Variants in IGF1R observed in about 807,000 individuals in gnomAD.
IGF1R encodes the protein insulin-like growth factor 1 receptor.
A neutral mutation model predicts 144.6 loss-of-function variants in IGF1R; 44 were observed. The ratio of observed to expected loss-of-function variants is 0.30; its 90% CI spans 0.24 to 0.39. The LOEUF (loss-of-function observed/expected upper bound fraction) is 0.39. Ranked by LOEUF, IGF1R falls within the 10% of genes least tolerant of loss-of-function variation. The probability of loss-of-function intolerance (pLI) is 1.00; values close to 1 mark genes in which losing one functional copy is unlikely to be tolerated. For synonymous variants in IGF1R, 795 were observed against 722.8 expected, an observed-to-expected ratio of 1.10 and a Z score of -1.60; for missense variants, 1,355 against 1,833.7, an observed-to-expected ratio of 0.74 and a Z score of 4.77.
At chr15:98,924,487 A>G (rs775995936) in intron 12 of IGF1R, 38 bp from the exon 13 acceptor site, 1 of 1,611,706 alleles carries the variant, frequency 6.2e-7, no homozygotes, top group Non-Finnish European at 8.5e-7. Flanking sequence ...TTTCTCCTGC[A>G]TTCATGGGAA....
intron 9 of IGF1R, 35 bp downstream of exon 9, chr15:98,916,166 G>C: frequency 6.2e-7 from 1 of 1,607,440 alleles, no homozygotes; most frequent in Non-Finnish European, 8.5e-7. Context: ...CGGAGGGTGT[G>C]ACCGTTCATT....
At chr15:98,882,190 G>C (rs1290261792) in intron 2 of IGF1R, among the ~76,000 whole-genome samples, 2 of 152,248 alleles carry the variant, frequency 1.3e-5, no homozygotes, top group African/African-American at 2.4e-5. Context: ...AAGATGTTCA[G>C]AGGGAAGCCG....
Position 98,950,571 on chromosome 15 carries a change from T to C in IGF1R, c.3722+1863T>C, listed in dbSNP as rs112320079. On this transcript the variant is annotated intron_variant, in intron 20 of 20. Coordinates refer to ENST00000650285, the MANE Select transcript of IGF1R (RefSeq NM_000875.5). ...CCAAGGCCACTCACAGTCCTTGCCA[T>C]ATACAGCCTCCATAGGCCCTCTCAT... is the stretch of plus-strand genomic sequence containing the variant. Among the ~76,000 whole-genome samples the C allele has an allele frequency of 1.5e-3, 232 of 152,348 alleles. 2 individuals are homozygous for C. Among genetic ancestry groups the C allele is most frequent in the African/African-American group, 5.1e-3 (213 of 41,574 alleles).
intron 2 of IGF1R, among the ~76,000 whole-genome samples, chr15:98,762,818 C>T (rs373147338): frequency 6.6e-6 from 1 of 151,244 alleles, no homozygotes; most frequent in East Asian, 2.0e-4. Context: ...GAGGCCGAGG[C>T]GGGCCGATCA....
chr15:98,925,731 C>T (rs1487956240), intron 13 of IGF1R, among the ~76,000 whole-genome samples: 1 of 152,200 alleles, frequency 6.6e-6, no homozygotes, highest in Admixed American at 6.5e-5. Flanking sequence ...GGGTGAAACC[C>T]CGTCTCTACT....
At chr15:98,776,759 A>G (rs944096064) in intron 2 of IGF1R, among the ~76,000 whole-genome samples, 1 of 152,156 alleles carries the variant, frequency 6.6e-6, no homozygotes, top group African/African-American at 2.4e-5. Context: ...TTTTCAAAGC[A>G]GCTGTTTGGT....
chr15:98,765,787 ATGATTG>A (rs2055422024), intron 2 of IGF1R, among the ~76,000 whole-genome samples: 1 of 152,150 alleles, frequency 6.6e-6, no homozygotes, highest in Non-Finnish European at 1.5e-5. Flanking sequence ...ATTCTCCCCC[ATGATTG>A]CACAACCCAC....
At chr15:98,808,194 T>C (rs796829019) in intron 2 of IGF1R, among the ~76,000 whole-genome samples, 27 of 152,334 alleles carry the variant, frequency 1.8e-4, no homozygotes, top group African/African-American at 6.5e-4. Context: ...ATAAGATATA[T>C]TCATCTTAAA....
Position 98,961,271 on chromosome 15 carries a change from C to CTGGT in IGF1R, c.*3831_*3834dup, listed in dbSNP as rs945541992. Reference sequence around the variant, plus strand: ...AACTGGATTTCTACAGATCATTCAGCTGGTTATAAGGGTTTTGTTTAAACT... The same window carrying CTGGT: ...AACTGGATTTCTACAGATCATTCAGCTGGTTGGTTATAAGGGTTTTGTTTAAACT... On this transcript the variant is annotated 3_prime_UTR_variant, in exon 21 of 21. Coordinates refer to ENST00000650285, the MANE Select transcript of IGF1R (RefSeq NM_000875.5). 4 of 233,494 alleles carry CTGGT rather than the reference C, an allele frequency of 1.7e-5. No individual in the cohort carries two copies. The highest frequency in any genetic ancestry group is 8.8e-5 in the African/African-American group (4 of 45,336). 14.5% of individuals were successfully genotyped at this position (233,494 alleles called of 1,614,324 possible).
At chr15:98,721,115 A>C (rs958050571) in intron 2 of IGF1R, among the ~76,000 whole-genome samples, 1 of 152,132 alleles carries the variant, frequency 6.6e-6, no homozygotes, top group Non-Finnish European at 1.5e-5. Context: ...GACGTTACCT[A>C]CTGAGGCTAC....
At chr15:98,716,800 A>AT (rs2054128168) in intron 2 of IGF1R, among the ~76,000 whole-genome samples, 1 of 152,108 alleles carries the variant, frequency 6.6e-6, no homozygotes, top group African/African-American at 2.4e-5. Context: ...TAGGCAGGGA[A>AT]GGTGACCATC....
intron 2 of IGF1R, among the ~76,000 whole-genome samples, chr15:98,813,762 C>T (rs575583752): frequency 7.9e-5 from 12 of 152,322 alleles, no homozygotes; most frequent in African/African-American, 2.9e-4. Context: ...GGCCCCAGTC[C>T]ATTCCTTATG....
chr15:98,939,173 CAT>C lies in IGF1R; in HGVS notation c.3298-27_3298-26del, dbSNP rs372357547. 3.9e-4 allele frequency: 628 copies of C among 1,606,310 alleles called. 6 individuals carry two copies. The East Asian group carries it at 8.8e-3, about 23-fold the overall frequency. ...ATGGAAAAAAAAAATCCAAAATTCT[CAT>C]GTGAATTTTTTTAAATCTCCAACAG... On this transcript the variant is annotated intron_variant, in intron 17 of 20. Coordinates refer to ENST00000650285, the MANE Select transcript of IGF1R (RefSeq NM_000875.5).
rs915035748 is a variant in IGF1R at position 98,958,569 on chromosome 15, C to T, written c.*1127C>T. On this transcript the variant is annotated 3_prime_UTR_variant, in exon 21 of 21. Transcript: ENST00000650285. ...GCATTCTAAGCTTTGTTGACATTTTCTCTGTTCCTAGGACTTCTTCATGGG... is the reference window on the plus strand; with the variant it reads ...GCATTCTAAGCTTTGTTGACATTTTTTCTGTTCCTAGGACTTCTTCATGGG... 6.9e-5 allele frequency: 16 copies of T among 232,900 alleles called. No individual in the cohort carries two copies. Among genetic ancestry groups the T allele is most frequent in the African/African-American group, 3.3e-4 (15 of 45,296 alleles). 14.4% of individuals were successfully genotyped at this position (232,900 alleles called of 1,614,324 possible).
At chr15:98,888,402 C>G (rs190096031) in intron 2 of IGF1R, among the ~76,000 whole-genome samples, 18 of 150,218 alleles carry the variant, frequency 1.2e-4, no homozygotes, top group African/African-American at 4.4e-4. Context: ...AAATTATTAA[C>G]TGTCTTCAAG....
At chr15:98,922,012 C>A in intron 10 of IGF1R, 136 bp from the exon 11 acceptor site, 1 of 845,050 alleles carries the variant, frequency 1.2e-6, no homozygotes, top group South Asian at 1.5e-5. Flanking sequence ...CTGTGTTATT[C>A]ATGAGTTCTT....
Position 98,870,374 on chromosome 15 carries a change from G to A in IGF1R, c.641-20951G>A, listed in dbSNP as rs1055420201. ...GTTATCATAAAATGATGGGGCTGCA[G>A]GAATGGCACCTACTCAGAGAGGGCG... is the stretch of plus-strand genomic sequence containing the variant. On this transcript the variant is annotated intron_variant, in intron 2 of 20. Coordinates refer to ENST00000650285, the MANE Select transcript of IGF1R (RefSeq NM_000875.5). Among the ~76,000 whole-genome samples the A allele has an allele frequency of 3.9e-5, 6 of 152,358 alleles. No individual in the cohort carries two copies. In the East Asian group the frequency reaches 1.2e-3, roughly 29 times the overall value.
intron 2 of IGF1R, among the ~76,000 whole-genome samples, chr15:98,796,266 C>T (rs752084839): frequency 1.9e-4 from 29 of 151,452 alleles, no homozygotes; most frequent in South Asian, 2.1e-4. Flanking sequence ...ACAGTAAAGG[C>T]GCCTGGGGGT....
intron 20 of IGF1R, among the ~76,000 whole-genome samples, chr15:98,955,500 G>A (rs1275403817): frequency 6.6e-6 from 1 of 152,250 alleles, no homozygotes; most frequent in Non-Finnish European, 1.5e-5. Context: ...AGGGAGCGTG[G>A]CCCCATGCCA....
Sources: allele counts gnomAD v4.1 joint callset (sites outside exome capture counted in the v4.1 genomes callset), GRCh38; gene constraint gnomAD v4.1.1; transcripts MANE v1.5; gene names NCBI Gene and HGNC (gene_info 2026-07-23, HGNC 2026-07-21).